Variants in TECRL observed in about 807,000 individuals in gnomAD.
TECRL encodes the protein trans-2,3-enoyl-CoA reductase-like.
In TECRL, 63 loss-of-function variants were observed where a neutral mutation model predicts 52.8. The ratio of observed to expected loss-of-function variants is 1.19; its 90% CI spans 0.97 to 1.47. The LOEUF is 1.47. Ranked by LOEUF, TECRL falls within the 40% of genes most tolerant of loss-of-function variation. TECRL has a pLI of 0.00. For missense variants in TECRL, 482 were observed against 429.6 expected (o/e 1.12, Z -1.08); for synonymous variants, 164 against 141.9 (o/e 1.16, Z -1.10).
At chr4:64,281,701 A>C in intron 9 of TECRL, 142 bp from the exon 10 acceptor site, 1 of 527,668 alleles carries the variant, frequency 1.9e-6, no homozygotes, top group Non-Finnish European at 3.4e-6. Context: ...TATTTTGCAA[A>C]TTACTCAGAA....
intron 2 of TECRL, among the ~76,000 whole-genome samples, chr4:64,354,224 G>C (rs538419373): frequency 6.6e-6 from 1 of 152,190 alleles, no homozygotes; most frequent in East Asian, 1.9e-4. Context: ...TTTGATAAAA[G>C]AACAATTTGA....
At chr4:64,277,587 C>A (rs564913045), downstream of TECRL, 17 of 151,930 alleles carry the variant, frequency 1.1e-4, no homozygotes, top group African/African-American at 3.4e-4. Flanking sequence ...TAATAAACAG[C>A]CCCTACCCAG....
chr4:64,336,111 G>T (rs1471692266), intron 2 of TECRL, among the ~76,000 whole-genome samples: 1 of 151,876 alleles, frequency 6.6e-6, no homozygotes, highest in Non-Finnish European at 1.5e-5. Flanking sequence ...TTGTACCTCT[G>T]GTAGAATTCA....
intron 1 of TECRL, among the ~76,000 whole-genome samples, chr4:64,384,602 T>C (rs1421244449): frequency 6.6e-6 from 1 of 152,062 alleles, no homozygotes; most frequent in Non-Finnish European, 1.5e-5. Context: ...CTGGTGGTAG[T>C]GGATGGAGGG....
chr4:64,359,788 T>C (rs1377618137), intron 2 of TECRL, among the ~76,000 whole-genome samples: 1 of 152,052 alleles, frequency 6.6e-6, no homozygotes, highest in Non-Finnish European at 1.5e-5. Context: ...GTAAATAGAA[T>C]CTCACCATTT....
chr4:64,330,012 T>C (rs919651888), intron 2 of TECRL, among the ~76,000 whole-genome samples: 10 of 151,750 alleles, frequency 6.6e-5, no homozygotes, highest in Non-Finnish European at 1.5e-4. Context: ...ATAGTACTAT[T>C]TTACTGTACT....
chr4:64,390,486 A>G (rs1327533088), intron 1 of TECRL, among the ~76,000 whole-genome samples: 1 of 151,866 alleles, frequency 6.6e-6, no homozygotes, highest in African/African-American at 2.4e-5. Context: ...CTACTTGGAA[A>G]CTGACAATAA....
chr4:64,407,937 A>G (rs148372260), intron 1 of TECRL, among the ~76,000 whole-genome samples: 1,776 of 151,688 alleles, frequency 0.012, 19 homozygotes, highest in Non-Finnish European at 0.018. Context: ...TCTATTTTGT[A>G]TGATATATAC....
chr4:64,344,979 G>A (rs2109545105), intron 2 of TECRL, among the ~76,000 whole-genome samples: 1 of 152,298 alleles, frequency 6.6e-6, no homozygotes, highest in South Asian at 2.1e-4. Context: ...CTGGCCATCA[G>A]AGAAATGCAA....
At chr4:64,352,394 G>A (rs1720462918) in intron 2 of TECRL, among the ~76,000 whole-genome samples, 1 of 152,044 alleles carries the variant, frequency 6.6e-6, no homozygotes, top group East Asian at 1.9e-4. Context: ...ATAGATAAGT[G>A]GATAGATAGA....
At chr4:64,307,435 T>C (rs1724405563) in intron 6 of TECRL, among the ~76,000 whole-genome samples, 1 of 152,038 alleles carries the variant, frequency 6.6e-6, no homozygotes, top group African/African-American at 2.4e-5. Context: ...CATCCACAGG[T>C]GACACCTATA....
intron 7 of TECRL, among the ~76,000 whole-genome samples, chr4:64,304,407 C>A (rs1402289963): frequency 1.3e-5 from 2 of 151,372 alleles, no homozygotes; most frequent in African/African-American, 2.4e-5. Context: ...ACAACTTCAG[C>A]CAAGAAATAA....
chr4:64,322,671 T>C lies in TECRL; in HGVS notation c.435+18A>G, dbSNP rs1034206947. The stretch of plus-strand genomic sequence containing the variant: ...CAAAATATGAGAAATGTATATTACA[T>C]TTCAAATTAACACTTACTGTGGTCC... On this transcript the variant is annotated intron_variant, in intron 4 of 11. Transcript: ENST00000381210. The C allele has an allele frequency of 6.5e-7, 1 of 1,540,510 alleles. No individual in the cohort carries two copies. Among genetic ancestry groups the C allele is most frequent in the Non-Finnish European group, 8.8e-7 (1 of 1,131,406 alleles).
At chr4:64,327,154 T>C (rs1039711260) in intron 3 of TECRL, among the ~76,000 whole-genome samples, 5 of 152,076 alleles carry the variant, frequency 3.3e-5, no homozygotes, top group Non-Finnish European at 7.4e-5. Context: ...CCAAATGAGC[T>C]TTGGATTTTG....
chr4:64,285,693 C>A (rs941053283), intron 9 of TECRL, among the ~76,000 whole-genome samples: 1 of 152,024 alleles, frequency 6.6e-6, no homozygotes, highest in Non-Finnish European at 1.5e-5. Flanking sequence ...GAGAAAAGAT[C>A]TGGGACTTTA....
chr4:64,395,394 A>G (rs1206520392), intron 1 of TECRL, among the ~76,000 whole-genome samples: 1 of 151,026 alleles, frequency 6.6e-6, no homozygotes, highest in African/African-American at 2.5e-5. Context: ...AGTTGTCACT[A>G]GATCATTAGA....
At position 64,409,430 on chromosome 4, in the gene TECRL, G is replaced by A. The variant is rs902235794; in HGVS notation, c.-79C>T. 12 of 1,542,166 alleles carry A rather than the reference G, an allele frequency of 7.8e-6. No individual in the cohort carries two copies. In the Admixed American group the frequency reaches 9.9e-5, roughly 13 times the overall value. ...GTTCCTTTTGCATCAGTTAAATACT[G>A]CTGGAGAACCTTTGAAAGGTCAAAT... On this transcript the variant is annotated 5_prime_UTR_variant, in exon 1 of 12. Coordinates refer to ENST00000381210, the MANE Select transcript of TECRL (RefSeq NM_001010874.5).
At chr4:64,336,601 G>A (rs1429545218) in intron 2 of TECRL, among the ~76,000 whole-genome samples, 3 of 152,108 alleles carry the variant, frequency 2.0e-5, no homozygotes, top group Non-Finnish European at 2.9e-5. Context: ...TGTGATGTTA[G>A]GGTGTCAATT....
Position 64,293,353 on chromosome 4 carries a change from T to C in TECRL, c.775-3586A>G, listed in dbSNP as rs374464092. ...TAACAATGTTCAGTGTAGGGCAGTATCAAATTAATAACCTACAAAGGACTT... is the reference window on the plus strand; with the variant it reads ...TAACAATGTTCAGTGTAGGGCAGTACCAAATTAATAACCTACAAAGGACTT... On this transcript the variant is annotated intron_variant, in intron 8 of 11. Transcript: ENST00000381210. 4.3e-4 allele frequency among the ~76,000 whole-genome samples: 65 copies of C among 152,224 alleles called. No homozygotes were observed. The South Asian group carries it at 0.01, about 24-fold the overall frequency.
Sources: gnomAD v4.1 joint callset for allele counts (sites outside exome capture counted in the v4.1 genomes callset) on GRCh38, gnomAD v4.1.1 for gene constraint, MANE v1.5 for transcripts, NCBI Gene and HGNC (gene_info 2026-07-23, HGNC 2026-07-21) for gene names.